Variants in NBEA observed in about 807,000 individuals in gnomAD.
The protein encoded by NBEA is lysosomal-trafficking regulator 2.
In NBEA, 44 loss-of-function variants were observed where a neutral mutation model predicts 343.4. The ratio of observed to expected loss-of-function variants is 0.13; its 90% CI spans 0.10 to 0.16. The LOEUF (loss-of-function observed/expected upper bound fraction) is 0.16. NBEA is among the 10% of genes least tolerant of loss of function. The pLI, the probability that NBEA is intolerant of heterozygous loss-of-function variation, is 1.00. For synonymous variants in NBEA, 1,175 were observed against 1,238.7 expected (o/e 0.95, Z 1.08); for missense variants, 2,555 against 3,631.3 (o/e 0.70, Z 7.62).
intron 37 of NBEA, among the ~76,000 whole-genome samples, chr13:35,351,701 C>T (rs1254490886): frequency 3.3e-5 from 5 of 151,850 alleles, no homozygotes; most frequent in African/African-American, 1.2e-4. Context: ...TACTGAATTC[C>T]TAAATGACCA....
chr13:35,330,538 G>C (rs562286722), intron 36 of NBEA, among the ~76,000 whole-genome samples: 1 of 152,050 alleles, frequency 6.6e-6, no homozygotes, highest in South Asian at 2.1e-4. Flanking sequence ...TCTTTTCAAT[G>C]ATTCTCTCCT....
At chr13:35,117,120 A>T (rs1210852055) in intron 13 of NBEA, among the ~76,000 whole-genome samples, 1 of 151,912 alleles carries the variant, frequency 6.6e-6, no homozygotes, top group Non-Finnish European at 1.5e-5. Flanking sequence ...AAAAGCATTA[A>T]TATAAATACT....
chr13:35,150,271 C>G (rs1040865888), intron 18 of NBEA, among the ~76,000 whole-genome samples: 1 of 151,994 alleles, frequency 6.6e-6, no homozygotes, highest in Non-Finnish European at 1.5e-5. Context: ...GTACAAAATG[C>G]CAAAAGAGAG....
At chr13:35,329,795 A>G (rs1427543146) in intron 36 of NBEA, among the ~76,000 whole-genome samples, 1 of 151,998 alleles carries the variant, frequency 6.6e-6, no homozygotes, top group African/African-American at 2.4e-5. Flanking sequence ...TAAAGGGTTA[A>G]TTATATTATA....
In NBEA at chr13:35,118,380, G is replaced by C; in HGVS notation, c.2149G>C (p.Glu717Gln). 1 of 1,602,210 alleles carries C rather than the reference G, an allele frequency of 6.2e-7. No individual in the cohort carries two copies. The highest frequency in any genetic ancestry group is 8.5e-7 in the Non-Finnish European group (1 of 1,174,244). Residue 717 changes from glutamate (E) to glutamine (Q), a missense_variant, in exon 16 of 59, where the codon GAA becomes CAA. Glu to Gln is a conservative substitution (Grantham distance 29, BLOSUM62 2). Coordinates refer to ENST00000379939, the MANE Select transcript of NBEA (RefSeq NM_001385012.1). ...LNYLLTMHED[E>Q]NIHDVLQLLV... The stretch of plus-strand genomic sequence containing the variant: ...TCAACATTGGTGATTTATGCAGGAT[G>C]AAAATATTCATGATGTGCTACAGTT...
At chr13:35,275,392 A>G (rs1034783198) in intron 34 of NBEA, among the ~76,000 whole-genome samples, 2 of 152,218 alleles carry the variant, frequency 1.3e-5, no homozygotes, top group Non-Finnish European at 1.5e-5. Flanking sequence ...ACCTAACACC[A>G]TAAAAACCCT....
intron 41 of NBEA, 91 bp from the exon 42 acceptor site, chr13:35,550,386 T>C: frequency 1.4e-6 from 1 of 691,738 alleles, no homozygotes; most frequent in Non-Finnish European, 2.4e-6. Flanking sequence ...AATTCATTTC[T>C]AGTTTTCTGA....
chr13:35,525,153 T>G (rs1182648756), intron 41 of NBEA, among the ~76,000 whole-genome samples: 1 of 152,238 alleles, frequency 6.6e-6, no homozygotes, highest in Non-Finnish European at 1.5e-5. Flanking sequence ...GCTTAATATA[T>G]TTACTTACCT....
At chr13:35,507,657 C>T (rs1441709854) in intron 41 of NBEA, among the ~76,000 whole-genome samples, 1 of 152,092 alleles carries the variant, frequency 6.6e-6, no homozygotes, top group East Asian at 1.9e-4. Context: ...TCACACCCAA[C>T]ATATACAGTC....
intron 1 of NBEA, among the ~76,000 whole-genome samples, chr13:34,984,115 C>G (rs1258400299): frequency 6.6e-6 from 1 of 152,108 alleles, no homozygotes; most frequent in Non-Finnish European, 1.5e-5. Context: ...TTGCCCATGC[C>G]TCTTTCCTGA....
In NBEA at chr13:35,555,029, C is replaced by A; in HGVS notation, c.6849C>A (p.Ser2283=). The A allele has an allele frequency of 6.2e-7, 1 of 1,612,246 alleles. No individual in the cohort carries two copies. Among genetic ancestry groups the A allele is most frequent in the Non-Finnish European group, 8.5e-7 (1 of 1,178,830 alleles). The change falls in exon 44 of 59, where the codon TCC becomes TCA. Residue 2283 remains serine (S), a synonymous_variant. Coordinates refer to ENST00000379939, the MANE Select transcript of NBEA (RefSeq NM_001385012.1). ...LATPRQLYKS[S]NMTQRWQRRE... is the part of the protein sequence containing the mutation. ...CTCCTCGACAGCTTTATAAATCTTCCAATATGACTCAGCGCTGGCAAAGAA... is the reference window on the plus strand; with the variant it reads ...CTCCTCGACAGCTTTATAAATCTTCAAATATGACTCAGCGCTGGCAAAGAA...
chr13:35,174,941 T>C (rs2070760847), intron 27 of NBEA, among the ~76,000 whole-genome samples: 1 of 151,908 alleles, frequency 6.6e-6, no homozygotes. Context: ...TACAGATGTG[T>C]GCCACCACGC....
intron 1 of NBEA, among the ~76,000 whole-genome samples, chr13:34,976,478 G>T (rs1247830386): frequency 6.6e-6 from 1 of 152,002 alleles, no homozygotes; most frequent in Non-Finnish European, 1.5e-5. Context: ...AGTGTACACT[G>T]GTCTGGTGAT....
chr13:35,314,886 C>G (rs1456300091), intron 36 of NBEA, among the ~76,000 whole-genome samples: 1 of 152,104 alleles, frequency 6.6e-6, no homozygotes, highest in South Asian at 2.1e-4. Flanking sequence ...AGACTTTTCT[C>G]TTTCACAAGC....
intron 1 of NBEA, among the ~76,000 whole-genome samples, chr13:35,021,804 G>A (rs372477498): frequency 8.6e-5 from 13 of 151,900 alleles, no homozygotes; most frequent in South Asian, 2.1e-4. Flanking sequence ...TTATTTCTAC[G>A]TGCATTATCT....
At chr13:35,368,882 G>T (rs2041270837) in intron 38 of NBEA, among the ~76,000 whole-genome samples, 1 of 151,458 alleles carries the variant, frequency 6.6e-6, no homozygotes, top group Admixed American at 6.6e-5. Context: ...TATTAACTCA[G>T]TTCAGTATAT....
At chr13:35,028,086 C>A (rs1420818289) in intron 1 of NBEA, among the ~76,000 whole-genome samples, 1 of 151,836 alleles carries the variant, frequency 6.6e-6, no homozygotes, top group Non-Finnish European at 1.5e-5. Flanking sequence ...TATAGCAAGT[C>A]TTAAAATTAG....
intron 31 of NBEA, among the ~76,000 whole-genome samples, chr13:35,196,612 G>A (rs769101358): frequency 1.9e-4 from 29 of 152,034 alleles, no homozygotes; most frequent in South Asian, 4.1e-4. Flanking sequence ...GGACTTAGTC[G>A]TTTCATGTAC....
At chr13:35,486,828 C>T (rs1318262812) in intron 41 of NBEA, among the ~76,000 whole-genome samples, 1 of 151,916 alleles carries the variant, frequency 6.6e-6, no homozygotes, top group Non-Finnish European at 1.5e-5. Context: ...ATGTATTGAT[C>T]TATCACATTG....
Sources: gnomAD v4.1 joint callset for allele counts (sites outside exome capture counted in the v4.1 genomes callset) on GRCh38, gnomAD v4.1.1 for gene constraint, MANE v1.5 for transcripts, NCBI Gene and HGNC (gene_info 2026-07-23, HGNC 2026-07-21) for gene names.